Variants in GALNT17 observed in about 807,000 individuals in gnomAD.
The protein encoded by GALNT17 is UDP-GalNAc:polypeptide N-acetylgalactosaminyltransferase-like 3.
Under a neutral mutation model 63.7 loss-of-function variants are expected in GALNT17, and 29 were observed. The observed-to-expected ratio is 0.46, with a 90% CI of 0.34 to 0.62. The LOEUF (loss-of-function observed/expected upper bound fraction) is 0.62. Ranked by LOEUF, GALNT17 falls within the 20% of genes least tolerant of loss-of-function variation. The probability of loss-of-function intolerance (pLI) is 0.01; values close to 1 mark genes in which losing one functional copy is unlikely to be tolerated. For missense variants in GALNT17, 603 were observed against 799.6 expected, an observed-to-expected ratio of 0.75 and a Z score of 2.97; for synonymous variants, 305 against 318.3, an observed-to-expected ratio of 0.96 and a Z score of 0.45.
intron 1 of GALNT17, among the ~76,000 whole-genome samples, chr7:71,231,177 T>C (rs1162390412): frequency 6.6e-6 from 1 of 152,180 alleles, no homozygotes; most frequent in South Asian, 2.1e-4. Context: ...GTGAAATTCA[T>C]GAGGGAATTT....
At chr7:71,284,301 ATTCTCC>A (rs1294692259) in intron 1 of GALNT17, 1 of 153,770 alleles carries the variant, frequency 6.5e-6, no homozygotes, top group African/African-American at 2.4e-5. Context: ...GGTTCAAACG[ATTCTCC>A]TGCCTCAGCC....
chr7:71,616,569 A>G (rs1790206818), intron 6 of GALNT17, among the ~76,000 whole-genome samples: 1 of 146,120 alleles, frequency 6.8e-6, no homozygotes, highest in African/African-American at 2.5e-5. Context: ...TAACTATATA[A>G]TCTGATATTC....
chr7:71,254,843 G>A (rs917688008), intron 1 of GALNT17, among the ~76,000 whole-genome samples: 8 of 152,176 alleles, frequency 5.3e-5, no homozygotes, highest in African/African-American at 1.4e-4. Context: ...AATGAGACTC[G>A]GCCACAGTCT....
intron 2 of GALNT17, among the ~76,000 whole-genome samples, chr7:71,366,354 G>A (rs1014158588): frequency 7.2e-5 from 11 of 152,184 alleles, no homozygotes; most frequent in Non-Finnish European, 1.0e-4. Context: ...AGGCCGAGGC[G>A]AGTGGATCAC....
At chr7:71,695,072 G>A (rs1791519717) in intron 9 of GALNT17, among the ~76,000 whole-genome samples, 1 of 152,188 alleles carries the variant, frequency 6.6e-6, no homozygotes, top group Non-Finnish European at 1.5e-5. Context: ...GCAGTCAAAG[G>A]TGTGCTTTGA....
At chr7:71,245,710 A>G (rs960067531) in intron 1 of GALNT17, among the ~76,000 whole-genome samples, 2 of 152,150 alleles carry the variant, frequency 1.3e-5, no homozygotes, top group African/African-American at 4.8e-5. Flanking sequence ...CTGTGTGTAA[A>G]TTAGTATTTC....
intron 6 of GALNT17, among the ~76,000 whole-genome samples, chr7:71,642,307 TA>T (rs1790616039): frequency 6.6e-6 from 1 of 152,000 alleles, no homozygotes; most frequent in African/African-American, 2.4e-5. Flanking sequence ...AAAAATGAAA[TA>T]AAATAATGCA....
chr7:71,607,987 G>C (rs183879515), intron 6 of GALNT17, among the ~76,000 whole-genome samples: 92 of 152,264 alleles, frequency 6.0e-4, no homozygotes, highest in African/African-American at 2.1e-3. Context: ...AAAATCCAGT[G>C]AGAGTTGAAT....
intron 1 of GALNT17, among the ~76,000 whole-genome samples, chr7:71,175,592 G>A (rs928019079): frequency 6.6e-6 from 1 of 152,192 alleles, no homozygotes; most frequent in Non-Finnish European, 1.5e-5. Flanking sequence ...CTCACTGAGA[G>A]TCTCTTGAAA....
rs573929251 is a variant in GALNT17, at chr7:71,257,783, G to A, written c.239-77767G>A. ...CCTAAGTTTGTCTTGTATGGATCCC[G>A]TGATGAGTTTTAGGGGCACTTGTAA... On this transcript the variant is annotated intron_variant, in intron 1 of 10. Coordinates refer to ENST00000333538, the MANE Select transcript of GALNT17 (RefSeq NM_022479.3). 2.0e-5 allele frequency among the ~76,000 whole-genome samples: 3 copies of A among 152,244 alleles called. No individual in the cohort carries two copies. The East Asian group carries it at 5.8e-4, about 29-fold the overall frequency.
At chr7:71,326,295 A>C (rs1791703392) in intron 1 of GALNT17, among the ~76,000 whole-genome samples, 1 of 152,132 alleles carries the variant, frequency 6.6e-6, no homozygotes. Flanking sequence ...TCATCTCTAC[A>C]AAAGTTAAGA....
intron 5 of GALNT17, among the ~76,000 whole-genome samples, chr7:71,433,546 A>G (rs965568687): frequency 1.1e-4 from 17 of 152,256 alleles, no homozygotes; most frequent in Non-Finnish European, 2.1e-4. Flanking sequence ...GCTGATGGCT[A>G]TCGGATGACC....
intron 6 of GALNT17, among the ~76,000 whole-genome samples, chr7:71,585,832 G>A (rs923175167): frequency 1.3e-4 from 20 of 151,672 alleles, no homozygotes; most frequent in Admixed American, 1.1e-3. Context: ...CATTTCTGTT[G>A]CCTGAGAAAG....
At chr7:71,711,827 T>C (rs1791797601) in intron 10 of GALNT17, among the ~76,000 whole-genome samples, 191 bp from the exon 11 acceptor site, 1 of 151,184 alleles carries the variant, frequency 6.6e-6, no homozygotes, top group Non-Finnish European at 1.5e-5. Flanking sequence ...TCTCCTCTCT[T>C]CCCTCTTTTT....
chr7:71,254,604 A>T (rs1225938902), intron 1 of GALNT17, among the ~76,000 whole-genome samples: 1 of 152,096 alleles, frequency 6.6e-6, no homozygotes, highest in Non-Finnish European at 1.5e-5. Flanking sequence ...GGAGAGTGTA[A>T]GAAGGCATGT....
chr7:71,352,338 T>C (rs1465697234), intron 2 of GALNT17, among the ~76,000 whole-genome samples: 1 of 152,182 alleles, frequency 6.6e-6, no homozygotes, highest in East Asian at 1.9e-4. Context: ...CAGACTCAGG[T>C]ATGTCTTTAT....
chr7:71,200,136 T>C (rs1190170902), intron 1 of GALNT17, among the ~76,000 whole-genome samples: 1 of 152,208 alleles, frequency 6.6e-6, no homozygotes, highest in Admixed American at 6.5e-5. Flanking sequence ...AAGCTTTTCA[T>C]AGCCTCTTGG....
chr7:71,592,544 A>AATAAAATAAAATAGCATAGCATAGC lies in GALNT17; in HGVS notation c.1080+21145_1080+21146insAAATAAAATAGCATAGCATAGCATA, dbSNP rs11267770. Among the ~76,000 whole-genome samples the AATAAAATAAAATAGCATAGCATAGC allele has an allele frequency of 3.6e-4, 42 of 115,366 alleles. No homozygotes were observed. In the South Asian group the frequency reaches 6.6e-3, roughly 18 times the overall value. 75.7% of individuals were successfully genotyped at this position (115,366 alleles called of 152,430 possible). On this transcript the variant is annotated intron_variant, in intron 6 of 10. Coordinates refer to ENST00000333538, the MANE Select transcript of GALNT17 (RefSeq NM_022479.3). ...AATAAAATAAAATAAAATAAAATAA[A>AATAAAATAAAATAGCATAGCATAGC]ATAGCATAGCATAGCATACTAAAAT... is the stretch of plus-strand genomic sequence containing the variant.
In GALNT17 at chr7:71,700,163, C is replaced by G. The variant is rs1433046172; in HGVS notation, c.1501-10598C>G. ...AACAACAACAACAACAAAAAACTAG[C>G]CAGGCACAGTGATGCACACCTGTAG... On this transcript the variant is annotated intron_variant, in intron 9 of 10. Transcript: ENST00000333538. Among the ~76,000 whole-genome samples the G allele has an allele frequency of 2.0e-5, 3 of 151,846 alleles. No homozygotes were observed. The East Asian group carries it at 5.8e-4, about 29-fold the overall frequency.
Sources: gnomAD v4.1 joint callset for allele counts (sites outside exome capture counted in the v4.1 genomes callset) on GRCh38, gnomAD v4.1.1 for gene constraint, MANE v1.5 for transcripts, NCBI Gene and HGNC (gene_info 2026-07-23, HGNC 2026-07-21) for gene names.